Variants in SPOPL observed in about 807,000 individuals in gnomAD.
SPOPL encodes the protein speckle-type POZ protein-like.
Under a neutral mutation model 53.8 loss-of-function variants are expected in SPOPL, and 23 were observed. That is an observed-to-expected ratio of 0.43 (90% confidence interval 0.31 to 0.61). The LOEUF is 0.61. SPOPL is among the 20% of genes least tolerant of loss of function. The pLI, the probability that SPOPL is intolerant of heterozygous loss-of-function variation, is 0.12. For missense variants in SPOPL, 442 were observed against 466.9 expected (o/e 0.95, Z 0.49); for synonymous variants, 164 against 149.7 (o/e 1.10, Z -0.70).
At chr2:138,512,523 A>G (rs1684346016) in intron 1 of SPOPL, among the ~76,000 whole-genome samples, 1 of 152,204 alleles carries the variant, frequency 6.6e-6, no homozygotes, top group South Asian at 2.1e-4. Context: ...GAAAGATAAT[A>G]CCGAGACAGT....
chr2:138,541,247 G>A (rs1417805109), intron 1 of SPOPL, among the ~76,000 whole-genome samples: 1 of 152,150 alleles, frequency 6.6e-6, no homozygotes, highest in African/African-American at 2.4e-5. Context: ...TCAGGATGAT[G>A]CTGGCCTCAT....
At position 138,569,084 on chromosome 2, in the gene SPOPL, C is replaced by A. The variant is rs1262134929; in HGVS notation, c.*4C>A. On this transcript the variant is annotated 3_prime_UTR_variant, in exon 11 of 11. Transcript: ENST00000280098. Reference sequence around the variant, plus strand: ...CAAACGGCTAAAACAGTCCTGAAATCTTCCATGAACAGTTGAAAAATGGAA... The same window carrying A: ...CAAACGGCTAAAACAGTCCTGAAATATTCCATGAACAGTTGAAAAATGGAA... 1.2e-5 allele frequency: 20 copies of A among 1,609,642 alleles called. No individual in the cohort carries two copies. Among genetic ancestry groups the A allele is most frequent in the Non-Finnish European group, 1.7e-5 (20 of 1,178,528 alleles).
chr2:138,544,979 C>A (rs577560286), intron 1 of SPOPL, among the ~76,000 whole-genome samples: 1 of 152,306 alleles, frequency 6.6e-6, no homozygotes, highest in African/African-American at 2.4e-5. Flanking sequence ...TATTCCCCAG[C>A]TTCTTCCTTC....
At position 138,519,353 on chromosome 2, in the gene SPOPL, T is replaced by C. The variant is rs1573872844; in HGVS notation, c.-61+17234T>C. On this transcript the variant is annotated intron_variant, in intron 1 of 10. Transcript: ENST00000280098. Reference sequence around the variant, plus strand: ...TAGTAATCTCAAGGAGCTTAGCATATTTGATGAATTGGAAAAAATCATAGT... The same window carrying C: ...TAGTAATCTCAAGGAGCTTAGCATACTTGATGAATTGGAAAAAATCATAGT... Among the ~76,000 whole-genome samples the C allele has an allele frequency of 5.9e-5, 9 of 152,274 alleles. No homozygotes were observed. The South Asian group carries it at 1.7e-3, about 28-fold the overall frequency.
chr2:138,516,050 AAAAC>A (rs1684430874), intron 1 of SPOPL, among the ~76,000 whole-genome samples: 2 of 152,082 alleles, frequency 1.3e-5, no homozygotes, highest in Non-Finnish European at 2.9e-5. Flanking sequence ...AATTAGCTAA[AAAAC>A]AAAAAAAACA....
chr2:138,521,382 T>C (rs1684553513), intron 1 of SPOPL, among the ~76,000 whole-genome samples: 1 of 149,540 alleles, frequency 6.7e-6, no homozygotes, highest in South Asian at 2.1e-4. Flanking sequence ...TTTTTTTTTT[T>C]CCATTTTTAC....
chr2:138,502,445 C>T (rs1179928387), intron 1 of SPOPL, among the ~76,000 whole-genome samples: 2 of 152,156 alleles, frequency 1.3e-5, no homozygotes, highest in South Asian at 2.1e-4. Context: ...GGCTTCTCTC[C>T]TCCTCTATAC....
Position 138,550,532 on chromosome 2 carries a change from T to C in SPOPL, c.128T>C (p.Phe43Ser). 1 of 1,612,014 alleles carries C rather than the reference T, an allele frequency of 6.2e-7. No individual in the cohort carries two copies. The highest frequency in any genetic ancestry group is 8.5e-7 in the Non-Finnish European group (1 of 1,178,424). The change falls in exon 3 of 11, where the codon TTT becomes TCT. Residue 43 changes from phenylalanine to serine, a missense_variant. Transcript: ENST00000280098. ...ATGTGGACCATTAATAACTTCAGTT[T>C]TTGTCGAGAGGAAATGGGTGAAGTG... is the stretch of plus-strand genomic sequence containing the variant. ...SYMWTINNFS[F>S]CREEMGEVLK... is the part of the protein sequence containing the mutation.
intron 1 of SPOPL, among the ~76,000 whole-genome samples, chr2:138,538,795 C>T (rs563724073): frequency 5.9e-5 from 9 of 151,570 alleles, no homozygotes; most frequent in South Asian, 4.2e-4. Context: ...ATGTGCACAA[C>T]GTGCAGGTTA....
chr2:138,523,362 G>A (rs1175850510), intron 1 of SPOPL, among the ~76,000 whole-genome samples: 1 of 152,096 alleles, frequency 6.6e-6, no homozygotes, highest in Non-Finnish European at 1.5e-5. Context: ...CAACACATGG[G>A]AATTATGGGA....
Position 138,573,390 on chromosome 2 carries a change from GA to G in SPOPL, c.*4311del, listed in dbSNP as rs1172420133. ...CTCTTGTTTTTTGGAACCAATTGAA[GA>G]CATTCTTAACTGTAAAATATTAATA... On this transcript the variant is annotated 3_prime_UTR_variant, in exon 11 of 11. Coordinates refer to ENST00000280098, the MANE Select transcript of SPOPL (RefSeq NM_001001664.3). The G allele has an allele frequency of 4.6e-5, 7 of 152,092 alleles. No homozygotes were observed. The highest frequency in any genetic ancestry group is 1.4e-4 in the African/African-American group (6 of 41,404). The allele number at this position is 152,092 out of a possible 1,614,324, so 9.4% of individuals were successfully genotyped here.
intron 1 of SPOPL, among the ~76,000 whole-genome samples, chr2:138,537,846 C>G (rs1684970100): frequency 6.6e-6 from 1 of 152,144 alleles, no homozygotes; most frequent in Non-Finnish European, 1.5e-5. Flanking sequence ...GTGCTTCCAG[C>G]AGTGTTTTTA....
At chr2:138,566,500 T>C (rs2104907830) in intron 10 of SPOPL, among the ~76,000 whole-genome samples, 1 of 152,358 alleles carries the variant, frequency 6.6e-6, no homozygotes, top group East Asian at 1.9e-4. Flanking sequence ...TATGTGATTC[T>C]AAACAACTAA....
intron 1 of SPOPL, among the ~76,000 whole-genome samples, chr2:138,525,560 G>A (rs1248276396): frequency 6.7e-6 from 1 of 150,344 alleles, no homozygotes; most frequent in Non-Finnish European, 1.5e-5. Flanking sequence ...GTTCACACCT[G>A]TAATCCCAGC....
chr2:138,548,527 T>C (rs1184131350), intron 1 of SPOPL, among the ~76,000 whole-genome samples: 32 of 152,020 alleles, frequency 2.1e-4, no homozygotes, highest in Admixed American at 2.1e-3. Context: ...CCTCTCCTCT[T>C]ACACTCTCAC....
chr2:138,549,195 A>T (rs1307298723), intron 1 of SPOPL, among the ~76,000 whole-genome samples: 4 of 152,060 alleles, frequency 2.6e-5, no homozygotes, highest in African/African-American at 7.2e-5. Context: ...TTTTTGCTAG[A>T]TATAGTTTGG....
intron 1 of SPOPL, among the ~76,000 whole-genome samples, chr2:138,544,993 C>T (rs767780302): frequency 5.3e-5 from 8 of 152,174 alleles, no homozygotes; most frequent in East Asian, 3.9e-4. Flanking sequence ...TTCCTTCCCA[C>T]GGTTTTTTGC....
chr2:138,552,636 A>G lies in SPOPL; in HGVS notation c.435A>G (p.Glu145=), dbSNP rs749908465. 2 of 1,613,016 alleles carry G rather than the reference A, an allele frequency of 1.2e-6. No individual in the cohort carries two copies. Residue 145 remains glutamate (E), a synonymous_variant, in exon 5 of 11, where the codon GAA becomes GAG. Coordinates refer to ENST00000280098, the MANE Select transcript of SPOPL (RefSeq NM_001001664.3). Reference sequence around the variant, plus strand: ...TTAGAAGGGACTTTTTGCTTGATGAAGCTAATGGTCTTTTACCAGATGACA... The same window carrying G: ...TTAGAAGGGACTTTTTGCTTGATGAGGCTAATGGTCTTTTACCAGATGACA... ...KFIRRDFLLD[E]ANGLLPDDKL... is the part of the protein sequence containing the mutation.
intron 1 of SPOPL, among the ~76,000 whole-genome samples, chr2:138,533,072 C>T (rs1324170113): frequency 6.6e-6 from 1 of 152,142 alleles, no homozygotes; most frequent in East Asian, 1.9e-4. Flanking sequence ...ACTGTTTCTA[C>T]TCCAGTACTC....
Sources: allele counts gnomAD v4.1 joint callset (sites outside exome capture counted in the v4.1 genomes callset), GRCh38; gene constraint gnomAD v4.1.1; transcripts MANE v1.5; gene names NCBI Gene and HGNC (gene_info 2026-07-23, HGNC 2026-07-21).